The following SH3D19 variants were observed in gnomAD, a reference collection of about 807,000 sequenced individuals.
The protein encoded by SH3D19 is SH3 domain-containing protein 19.
Under a neutral mutation model 112.1 loss-of-function variants are expected in SH3D19, and 58 were observed. That is an observed-to-expected ratio of 0.52 (90% CI 0.42 to 0.64). SH3D19 has a LOEUF of 0.64. Ranked by LOEUF, SH3D19 falls within the 30% of genes least tolerant of loss-of-function variation. The pLI is 0.00. For synonymous variants in SH3D19, 391 were observed against 448.5 expected (o/e 0.87, Z 1.62); for missense variants, 1,090 against 1,263.4 (o/e 0.86, Z 2.08).
rs1748093497 is a variant in SH3D19, at chr4:151,122,334, A to C, written c.3028-127T>G. On this transcript the variant is annotated intron_variant, in intron 19 of 19. Transcript: ENST00000604030. ...CATTTATCTTGATTGTTGAGAATTA[A>C]ATGACAACAATGATCTATACCTAAT... is the stretch of plus-strand genomic sequence containing the variant. 5 of 607,178 alleles carry C rather than the reference A, an allele frequency of 8.2e-6. 1 individual carries two copies. The South Asian group carries it at 8.6e-5, about 10-fold the overall frequency. The allele number at this position is 607,178 out of a possible 1,614,324, so 37.6% of individuals were successfully genotyped here. A position where few individuals can be genotyped will look rare whatever the true frequency, so the allele number is the denominator to read the frequency against.
chr4:151,145,590 G>A (rs1266756601), intron 11 of SH3D19, among the ~76,000 whole-genome samples: 7 of 152,102 alleles, frequency 4.6e-5, no homozygotes, highest in African/African-American at 1.4e-4. Flanking sequence ...GAATGAGCCC[G>A]CCTGCACCCA....
chr4:151,186,864 G>A (rs62346569), intron 3 of SH3D19, among the ~76,000 whole-genome samples: 2,018 of 144,184 alleles, frequency 0.014, 20 homozygotes, highest in Non-Finnish European at 0.02. Context: ...GCGCGATCTC[G>A]GCTCACTGCA....
At chr4:151,282,404 G>C (rs1252518355) in intron 1 of SH3D19, 2 of 1,613,820 alleles carry the variant, frequency 1.2e-6, no homozygotes, top group South Asian at 1.1e-5. Flanking sequence ...AAAAGTTAAG[G>C]AAAGTTCAGG....
At chr4:151,174,212 C>T (rs956087924) in intron 7 of SH3D19, among the ~76,000 whole-genome samples, 7 of 152,190 alleles carry the variant, frequency 4.6e-5, no homozygotes, top group African/African-American at 1.7e-4. Flanking sequence ...TGAGGAGCCC[C>T]TCTGGGGCCA....
At chr4:151,204,980 C>A (rs1023845851) in intron 2 of SH3D19, among the ~76,000 whole-genome samples, 8 of 152,130 alleles carry the variant, frequency 5.3e-5, no homozygotes, top group African/African-American at 1.9e-4. Flanking sequence ...ACCACCACAC[C>A]TGGCTAATTT....
At chr4:151,288,832 A>G (rs1775066417) in intron 1 of SH3D19, among the ~76,000 whole-genome samples, 1 of 152,208 alleles carries the variant, frequency 6.6e-6, no homozygotes, top group Non-Finnish European at 1.5e-5. Flanking sequence ...TATTCTCCAA[A>G]TGGATCTACA....
At position 151,318,632 on chromosome 4, in the gene SH3D19, T is replaced by G. The variant is rs1730250548; in HGVS notation, c.112+6609A>C. On this transcript the variant is annotated intron_variant, in intron 1 of 19. Coordinates refer to ENST00000604030, the MANE Select transcript of SH3D19 (RefSeq NM_001378122.1). Reference sequence around the variant, plus strand: ...TAAGAAAAAGGAGACATAAAATAAGTGCTAATAATTTTATAGGTATTTACT... The same window carrying G: ...TAAGAAAAAGGAGACATAAAATAAGGGCTAATAATTTTATAGGTATTTACT... Among the ~76,000 whole-genome samples, 2 of 152,140 alleles carry G rather than the reference T, an allele frequency of 1.3e-5. 1 individual carries two copies. Among genetic ancestry groups the G allele is most frequent in the South Asian group, 4.1e-4 (2 of 4,826 alleles).
intron 1 of SH3D19, among the ~76,000 whole-genome samples, chr4:151,285,614 T>C (rs114876193): frequency 6.6e-6 from 1 of 152,226 alleles, no homozygotes; most frequent in African/African-American, 2.4e-5. Context: ...AAACAATATA[T>C]CTCAAATCAG....
intron 14 of SH3D19, among the ~76,000 whole-genome samples, chr4:151,135,986 A>AAAAACAAAACAAAACAAAACAAAAC (rs529509279): frequency 2.0e-5 from 3 of 148,752 alleles, no homozygotes; most frequent in Admixed American, 6.8e-5. Flanking sequence ...AGACTGTCTC[A>AAAAACAAAACAAAACAAAACAAAAC]AAAACAAAAC....
At chr4:151,267,671 T>C (rs554592912) in intron 1 of SH3D19, among the ~76,000 whole-genome samples, 1 of 152,252 alleles carries the variant, frequency 6.6e-6, no homozygotes, top group East Asian at 1.9e-4. Flanking sequence ...GAAAGCCAGC[T>C]GTCAAAAAAA....
intron 2 of SH3D19, among the ~76,000 whole-genome samples, chr4:151,188,337 G>A (rs775427521): frequency 2.0e-5 from 3 of 152,116 alleles, no homozygotes; most frequent in Non-Finnish European, 2.9e-5. Context: ...GTGCTTAAAG[G>A]CTTTCTGTAA....
At chr4:151,136,156 T>TAA (rs1222291367) in intron 14 of SH3D19, among the ~76,000 whole-genome samples, 1 of 152,218 alleles carries the variant, frequency 6.6e-6, no homozygotes, top group Non-Finnish European at 1.5e-5. Context: ...ATTTTATTTA[T>TAA]TTATTTTTTG....
At chr4:151,150,577 G>A (rs1288175420) in intron 9 of SH3D19, among the ~76,000 whole-genome samples, 3 of 151,934 alleles carry the variant, frequency 2.0e-5, no homozygotes, top group Non-Finnish European at 2.9e-5. Context: ...CATGTAAGGA[G>A]AAATAGTTAA....
At chr4:151,284,745 T>C (rs1319167226) in intron 1 of SH3D19, among the ~76,000 whole-genome samples, 2 of 152,188 alleles carry the variant, frequency 1.3e-5, no homozygotes, top group Non-Finnish European at 2.9e-5. Flanking sequence ...TAAAGAATGT[T>C]GATTTCCTGT....
rs1482112761 is a variant in SH3D19, at chr4:151,148,134, G to C, written c.1870C>G (p.Pro624Ala). The C allele has an allele frequency of 6.2e-7, 1 of 1,612,874 alleles. No homozygotes were observed. The highest frequency in any genetic ancestry group is 8.5e-7 in the Non-Finnish European group (1 of 1,179,786). The change falls in exon 11 of 20, where the codon CCT (proline) becomes GCT (alanine). Residue 624 changes from proline to alanine, a missense_variant. Physicochemically the swap from Pro to Ala is conservative, Grantham distance 27. Coordinates refer to ENST00000604030, the MANE Select transcript of SH3D19 (RefSeq NM_001378122.1). ...AGCTTTGGGGGAGGTGGTCTCTCAG[G>C]GGGCACCTTGGTTGGAGGCTGTTGA... ...PTQQPPTKVPPERPPPPKLSA... is the reference protein window; with the variant it reads ...PTQQPPTKVPAERPPPPKLSA...
intron 1 of SH3D19, chr4:151,279,655 G>A (rs558027116): frequency 2.8e-6 from 2 of 723,928 alleles, no homozygotes; most frequent in African/African-American, 3.5e-5. Flanking sequence ...GCTGGGTGTG[G>A]AACCAGAATA....
intron 1 of SH3D19, among the ~76,000 whole-genome samples, chr4:151,256,156 T>C (rs1184295602): frequency 8.5e-5 from 13 of 152,232 alleles, no homozygotes; most frequent in Admixed American, 5.9e-4. Context: ...CTGGGCATTA[T>C]GGCCAATATT....
At chr4:151,177,577 G>C (rs1423452334) in intron 4 of SH3D19, among the ~76,000 whole-genome samples, 1 of 152,102 alleles carries the variant, frequency 6.6e-6, no homozygotes, top group Non-Finnish European at 1.5e-5. Context: ...TCGAACTCCT[G>C]ACCACAAGCA....
chr4:151,283,071 A>G, intron 1 of SH3D19: 1 of 1,587,238 alleles, frequency 6.3e-7, no homozygotes, highest in Non-Finnish European at 8.6e-7. Flanking sequence ...CTGCCCCTGC[A>G]CTTTTCTAGG....
Sources: gnomAD v4.1 joint callset for allele counts (sites outside exome capture counted in the v4.1 genomes callset) on GRCh38, gnomAD v4.1.1 for gene constraint, MANE v1.5 for transcripts, NCBI Gene and HGNC (gene_info 2026-07-23, HGNC 2026-07-21) for gene names.